The following LDB2 variants were observed in gnomAD, a reference collection of about 807,000 sequenced individuals.
LDB2 encodes LIM domain binding 2.
A neutral mutation model predicts 44.3 loss-of-function variants in LDB2; 12 were observed. That is an observed-to-expected ratio of 0.27 (90% confidence interval 0.17 to 0.44). The LOEUF is 0.44. Among genes scored for constraint, LDB2 ranks in the 20% least tolerant of loss-of-function variants. The probability of loss-of-function intolerance (pLI) is 1.00; values close to 1 mark genes in which losing one functional copy is unlikely to be tolerated. For missense variants in LDB2, 344 were observed against 473.5 expected (o/e 0.73, Z 2.54); for synonymous variants, 164 against 174.8 (o/e 0.94, Z 0.49).
chr4:16,793,247 G>A (rs1256809174), intron 1 of LDB2, among the ~76,000 whole-genome samples: 1 of 152,050 alleles, frequency 6.6e-6, no homozygotes, highest in Non-Finnish European at 1.5e-5. Flanking sequence ...GGTCCTTATC[G>A]TTTAGGAGAT....
At chr4:16,649,127 G>C (rs1484035477) in intron 2 of LDB2, among the ~76,000 whole-genome samples, 1 of 152,180 alleles carries the variant, frequency 6.6e-6, no homozygotes, top group African/African-American at 2.4e-5. Flanking sequence ...CTTTATATCT[G>C]CTCTTGGTAG....
At chr4:16,662,045 G>A (rs1181095377) in intron 2 of LDB2, among the ~76,000 whole-genome samples, 1 of 152,148 alleles carries the variant, frequency 6.6e-6, no homozygotes, top group Non-Finnish European at 1.5e-5. Context: ...TTTCTATAGG[G>A]CACAGGTGAA....
chr4:16,893,538 G>A (rs1461135425), intron 1 of LDB2, among the ~76,000 whole-genome samples: 1 of 152,088 alleles, frequency 6.6e-6, no homozygotes, highest in Non-Finnish European at 1.5e-5. Flanking sequence ...TCCCCAGGGA[G>A]TTTTAGAGTT....
At chr4:16,855,487 T>C (rs1251444640) in intron 1 of LDB2, among the ~76,000 whole-genome samples, 1 of 152,164 alleles carries the variant, frequency 6.6e-6, no homozygotes. Flanking sequence ...ACTAATGGCT[T>C]ATTTTGTGCA....
intron 5 of LDB2, among the ~76,000 whole-genome samples, chr4:16,558,318 T>A (rs571030376): frequency 3.7e-4 from 56 of 152,040 alleles, no homozygotes; most frequent in Admixed American, 2.8e-3. Flanking sequence ...TTGAAAAAAA[T>A]TTAGACAAAT....
chr4:16,803,221 C>T (rs1403689652), intron 1 of LDB2, among the ~76,000 whole-genome samples: 1 of 152,134 alleles, frequency 6.6e-6, no homozygotes, highest in Non-Finnish European at 1.5e-5. Context: ...AACCCATCTC[C>T]TACCATTTTT....
At position 16,707,848 on chromosome 4, in the gene LDB2, C is replaced by T. The variant is rs146548485; in HGVS notation, c.235+51310G>A. Among the ~76,000 whole-genome samples the T allele has an allele frequency of 3.5e-3, 536 of 152,186 alleles. 1 individual carries two copies. Among genetic ancestry groups the T allele is most frequent in the African/African-American group, 6.8e-3 (282 of 41,520 alleles). ...AATACATCGTGAAAAAATGTCATCA[C>T]GAAAGATGTTGTATCATTATACACT... On this transcript the variant is annotated intron_variant, in intron 2 of 7. Transcript: ENST00000304523.
chr4:16,557,063 A>T (rs1199653421), intron 5 of LDB2, among the ~76,000 whole-genome samples: 1 of 152,238 alleles, frequency 6.6e-6, no homozygotes, highest in Non-Finnish European at 1.5e-5. Context: ...CAGAATTTTC[A>T]TAAGAAGATA....
At chr4:16,518,873 C>T (rs1166184757) in intron 5 of LDB2, among the ~76,000 whole-genome samples, 1 of 152,180 alleles carries the variant, frequency 6.6e-6, no homozygotes, top group South Asian at 2.1e-4. Flanking sequence ...GAGTTATGTC[C>T]TGGAGAGAGC....
chr4:16,532,965 T>C (rs1476975459), intron 5 of LDB2, among the ~76,000 whole-genome samples: 1 of 152,202 alleles, frequency 6.6e-6, no homozygotes, highest in Non-Finnish European at 1.5e-5. Context: ...TCCAATATCC[T>C]GTCTATAATA....
At chr4:16,620,274 A>T (rs1162755977) in intron 2 of LDB2, among the ~76,000 whole-genome samples, 1 of 152,202 alleles carries the variant, frequency 6.6e-6, no homozygotes, top group African/African-American at 2.4e-5. Context: ...GGCTCATATC[A>T]AGTCAGGCAG....
intron 5 of LDB2, among the ~76,000 whole-genome samples, chr4:16,535,141 T>C (rs1047779219): frequency 5.3e-5 from 8 of 152,188 alleles, no homozygotes; most frequent in Non-Finnish European, 1.0e-4. Flanking sequence ...AGAGAAGGAC[T>C]GAAGTAATTG....
chr4:16,621,277 C>A (rs1383265967), intron 2 of LDB2, among the ~76,000 whole-genome samples: 1 of 152,164 alleles, frequency 6.6e-6, no homozygotes, highest in Non-Finnish European at 1.5e-5. Flanking sequence ...ACTTGGCAGC[C>A]CCAGATGCAT....
chr4:16,538,050 G>C (rs1732453594), intron 5 of LDB2, among the ~76,000 whole-genome samples: 2 of 152,192 alleles, frequency 1.3e-5, no homozygotes, highest in African/African-American at 4.8e-5. Flanking sequence ...TGGCATTCAG[G>C]TGCCTGAGGA....
chr4:16,797,415 A>G (rs1026060356), intron 1 of LDB2, among the ~76,000 whole-genome samples: 4 of 152,226 alleles, frequency 2.6e-5, no homozygotes, highest in African/African-American at 7.2e-5. Context: ...CACAGCATAC[A>G]TGAGAATTCT....
chr4:16,693,756 C>A (rs536256337), intron 2 of LDB2, among the ~76,000 whole-genome samples: 1 of 152,182 alleles, frequency 6.6e-6, no homozygotes, highest in Admixed American at 6.5e-5. Context: ...CTGTGCAATG[C>A]GAATGCAGCA....
At chr4:16,747,226 T>C (rs578011083) in intron 2 of LDB2, among the ~76,000 whole-genome samples, 2 of 152,196 alleles carry the variant, frequency 1.3e-5, no homozygotes, top group Non-Finnish European at 2.9e-5. Context: ...AAATAGCTGC[T>C]GCACTGCTGT....
chr4:16,844,899 G>A (rs896540225), intron 1 of LDB2, among the ~76,000 whole-genome samples: 3 of 152,146 alleles, frequency 2.0e-5, no homozygotes, highest in African/African-American at 7.2e-5. Context: ...AATGGATTGT[G>A]GTCTGTGGTT....
intron 1 of LDB2, among the ~76,000 whole-genome samples, chr4:16,866,377 C>G (rs1395586357): frequency 6.6e-6 from 1 of 152,130 alleles, no homozygotes. Flanking sequence ...CTTTATGTTA[C>G]TTTATTAATT....
Sources: allele counts gnomAD v4.1 joint callset (sites outside exome capture counted in the v4.1 genomes callset), GRCh38; gene constraint gnomAD v4.1.1; transcripts MANE v1.5; gene names NCBI Gene and HGNC (gene_info 2026-07-23, HGNC 2026-07-21).